Variants in SPDYE3 observed in about 807,000 individuals in gnomAD.
SPDYE3 encodes speedy/RINGO cell cycle regulator family member E3, also known as speedy protein E3.
A neutral mutation model predicts 55.0 loss-of-function variants in SPDYE3; 15 were observed. The ratio of observed to expected loss-of-function variants is 0.27; its 90% CI spans 0.18 to 0.42. The LOEUF (loss-of-function observed/expected upper bound fraction) is 0.42. Among genes scored for constraint, SPDYE3 ranks in the 10% least tolerant of loss-of-function variants. The pLI is 1.00. For missense variants in SPDYE3, 236 were observed against 576.7 expected (o/e 0.41, Z 6.05); for synonymous variants, 89 against 229.9 (o/e 0.39, Z 5.55).
intron 1 of SPDYE3, among the ~76,000 whole-genome samples, chr7:100,308,269 T>C (rs1203324468): frequency 1.5e-5 from 2 of 134,088 alleles, no homozygotes; most frequent in African/African-American, 5.8e-5. Flanking sequence ...AGGAAGAGGG[T>C]GCAGTGAGCC....
intron 7 of SPDYE3, among the ~76,000 whole-genome samples, chr7:100,316,623 C>T (rs1806111628): frequency 6.6e-6 from 1 of 152,154 alleles, no homozygotes; most frequent in South Asian, 2.1e-4. Flanking sequence ...TCAGCATCTC[C>T]CTCAGGACTC....
rs1216763542 is a variant in SPDYE3, at chr7:100,314,691, A to G, written c.1142A>G (p.Lys381Arg). 7.7e-7 allele frequency: 1 copy of G among 1,300,678 alleles called. No individual in the cohort carries two copies. Among genetic ancestry groups the G allele is most frequent in the East Asian group, 2.4e-5 (1 of 41,596 alleles). 80.6% of individuals were successfully genotyped at this position (1,300,678 alleles called of 1,614,324 possible). Residue 381 changes from lysine to arginine, a missense_variant, in exon 6 of 11, where the codon AAG becomes AGG. Transcript: ENST00000332397. ...CTGTGTGGCCTCAAGATGAAGGCGAAGCGACGGCGAGTGTCGCTCGTGCTC... is the reference window on the plus strand; with the variant it reads ...CTGTGTGGCCTCAAGATGAAGGCGAGGCGACGGCGAGTGTCGCTCGTGCTC... ...ETLCGLKMKA[K>R]RRRVSLVLPE...
chr7:100,308,736 A>C (rs1805889122), intron 1 of SPDYE3, among the ~76,000 whole-genome samples: 1 of 150,654 alleles, frequency 6.6e-6, no homozygotes, highest in Non-Finnish European at 1.5e-5. Context: ...AGAGGGCCTC[A>C]GAGAGCCAGG....
Position 100,315,736 on chromosome 7 carries a change from T to C in SPDYE3, c.1202-49T>C, listed in dbSNP as rs373694744. 8.7e-5 allele frequency: 139 copies of C among 1,597,572 alleles called. No individual in the cohort carries two copies. The African/African-American group carries it at 1.3e-3, about 14-fold the overall frequency. ...TCTCCTCACTGCCCTGCTGCTCCCATGGAAACCCTGTCCTGCTTCTCACGC... is the reference window on the plus strand; with the variant it reads ...TCTCCTCACTGCCCTGCTGCTCCCACGGAAACCCTGTCCTGCTTCTCACGC... On this transcript the variant is annotated intron_variant, in intron 6 of 10. Transcript: ENST00000332397.
intron 5 of SPDYE3, among the ~76,000 whole-genome samples, chr7:100,314,273 CAA>C (rs71525858): frequency 7.8e-6 from 1 of 127,782 alleles, no homozygotes; most frequent in Non-Finnish European, 1.7e-5. Context: ...TGTCTCGAAA[CAA>C]AAAAAAAAAG....
chr7:100,319,023 T>C (rs1036658570), intron 8 of SPDYE3, among the ~76,000 whole-genome samples: 3 of 151,756 alleles, frequency 2.0e-5, no homozygotes, highest in Non-Finnish European at 2.9e-5. Context: ...ACAATTCTTA[T>C]GCTTCAGCCT....
chr7:100,319,444 G>T, intron 8 of SPDYE3, 121 bp from the exon 9 acceptor site: 1 of 1,522,460 alleles, frequency 6.6e-7, no homozygotes, highest in Non-Finnish European at 8.9e-7. Context: ...GTGGCTCTCT[G>T]CAGGGTGGGT....
Position 100,319,568 on chromosome 7 carries a change from T to C in SPDYE3, c.1350T>C (p.Tyr450=), listed in dbSNP as rs1065454. ...YQRIHFFLAL[Y]LANDMEEDDE... is the part of the protein sequence containing the mutation. ...GCAACCTGATTTCTGTCCTCAGCTA[T>C]CTGGCCAATGACATGGAGGAGGACG... The change falls in exon 9 of 11, where the codon TAT becomes TAC. Residue 450 remains tyrosine, a synonymous_variant. Transcript: ENST00000332397. 2.5e-6 allele frequency: 4 copies of C among 1,614,166 alleles called. No homozygotes were observed. Among genetic ancestry groups the C allele is most frequent in the East Asian group, 2.2e-5 (1 of 44,890 alleles).
intron 3 of SPDYE3, among the ~76,000 whole-genome samples, chr7:100,311,452 C>A (rs1364127945): frequency 1.5e-5 from 2 of 134,236 alleles, no homozygotes; most frequent in African/African-American, 3.0e-5. Context: ...CACCACTACA[C>A]TCCAGCCTGG....
rs1806093126 is a variant in SPDYE3 at position 100,315,848 on chromosome 7, G to C, written c.1260+5G>C. ...GATCTGAGGGTGTCAGACAAGGTAA[G>C]GTTGTTCTCTATGTAACTGTGTTCC... On this transcript the variant is annotated splice_donor_5th_base_variant and intron_variant, in intron 7 of 10. Transcript: ENST00000332397. 2 of 1,600,178 alleles carry C rather than the reference G, an allele frequency of 1.2e-6. No homozygotes were observed. Among genetic ancestry groups the C allele is most frequent in the Non-Finnish European group, 8.5e-7 (1 of 1,179,720 alleles).
chr7:100,321,191 G>A lies in SPDYE3; in HGVS notation c.*346G>A. 2.0e-6 allele frequency: 1 copy of A among 496,290 alleles called. No individual in the cohort carries two copies. Among genetic ancestry groups the A allele is most frequent in the Non-Finnish European group, 4.0e-6 (1 of 249,346 alleles). 30.7% of individuals were successfully genotyped at this position (496,290 alleles called of 1,614,324 possible). A position where few individuals can be genotyped will look rare whatever the true frequency, so the allele number is the denominator to read the frequency against. On this transcript the variant is annotated 3_prime_UTR_variant, in exon 11 of 11. Transcript: ENST00000332397. The stretch of plus-strand genomic sequence containing the variant: ...GCCAACCTCCCTGGGGCGGAACCTG[G>A]AGGTCCTGTTTCTTACGGACTTGGT...
intron 2 of SPDYE3, among the ~76,000 whole-genome samples, chr7:100,309,732 A>C (rs1278732297): frequency 7.0e-6 from 1 of 142,210 alleles, no homozygotes; most frequent in Non-Finnish European, 1.6e-5. Context: ...AAAAAAAAAA[A>C]AAAAAAGAAG....
intron 4 of SPDYE3, among the ~76,000 whole-genome samples, chr7:100,312,375 T>C (rs1194097462): frequency 1.3e-5 from 2 of 148,210 alleles, no homozygotes; most frequent in African/African-American, 2.5e-5. Context: ...CTCATGCCTG[T>C]AGTTCCAGCT....
At position 100,320,247 on chromosome 7, in the gene SPDYE3, G is replaced by A. The variant is rs1421505584; in HGVS notation, c.*45+212G>A. 1.1e-5 allele frequency: 13 copies of A among 1,199,426 alleles called. No homozygotes were observed. In the South Asian group the frequency reaches 1.4e-4, roughly 13 times the overall value. 74.3% of individuals were successfully genotyped at this position (1,199,426 alleles called of 1,614,324 possible). A position where few individuals can be genotyped will look rare whatever the true frequency, so the allele number is the denominator to read the frequency against. ...GCAGGAGGATCGCTGGAGCCTGGGA[G>A]GTCGGGGCTGCAGGGAGCCCTGATC... On this transcript the variant is annotated intron_variant, in intron 10 of 10. Coordinates refer to ENST00000332397, the MANE Select transcript of SPDYE3 (RefSeq NM_001004351.5).
At chr7:100,309,749 A>C (rs1805916779) in intron 2 of SPDYE3, among the ~76,000 whole-genome samples, 1 of 144,458 alleles carries the variant, frequency 6.9e-6, no homozygotes, top group Non-Finnish European at 1.5e-5. Flanking sequence ...GAAGAAAAAA[A>C]AGAAGGGTCA....
In SPDYE3 at chr7:100,312,497, A is replaced by G. The variant is rs1366965625; in HGVS notation, c.763+529A>G. Among the ~76,000 whole-genome samples the G allele has an allele frequency of 4.5e-4, 36 of 80,294 alleles. 3 individuals are homozygous for G. Among genetic ancestry groups the G allele is most frequent in the Admixed American group, 6.9e-4 (6 of 8,738 alleles). 52.7% of individuals were successfully genotyped at this position (80,294 alleles called of 152,430 possible). On this transcript the variant is annotated intron_variant, in intron 4 of 10. Transcript: ENST00000332397. ...GGGTGAGAGAGTGAGACGCTGTCTC[A>G]AAAAAAAAAAAAAAAAAAGAAGAAG...
At chr7:100,317,797 C>T (rs1806141198) in intron 8 of SPDYE3, among the ~76,000 whole-genome samples, 1 of 148,982 alleles carries the variant, frequency 6.7e-6, no homozygotes, top group Non-Finnish European at 1.5e-5. Context: ...AACCCTGTCT[C>T]CACTTAAAAA....
At chr7:100,319,180 G>A (rs1453346711) in intron 8 of SPDYE3, among the ~76,000 whole-genome samples, 1 of 151,980 alleles carries the variant, frequency 6.6e-6, no homozygotes, top group Non-Finnish European at 1.5e-5. Flanking sequence ...CAAAGTGCTG[G>A]GATTACAGGC....
chr7:100,316,790 C>T (rs1360483090), intron 7 of SPDYE3, among the ~76,000 whole-genome samples: 2 of 152,134 alleles, frequency 1.3e-5, no homozygotes, highest in Admixed American at 6.6e-5. Flanking sequence ...ACAAAAGACC[C>T]TCCTGACACC....
Sources: allele counts gnomAD v4.1 joint callset (sites outside exome capture counted in the v4.1 genomes callset), GRCh38; gene constraint gnomAD v4.1.1; transcripts MANE v1.5; gene names NCBI Gene and HGNC (gene_info 2026-07-23, HGNC 2026-07-21).